The following ZMIZ1 variants were observed in gnomAD, a reference collection of about 807,000 sequenced individuals.
The protein encoded by ZMIZ1 is zinc finger MIZ-type containing 1, also known as zinc finger MIZ domain-containing protein 1.
ZMIZ1 carries 17 observed loss-of-function variants against 113.9 expected under a neutral mutation model. The ratio of observed to expected loss-of-function variants is 0.15; its 90% CI spans 0.10 to 0.22. ZMIZ1 has a LOEUF of 0.22. Among genes scored for constraint, ZMIZ1 ranks in the 10% least tolerant of loss-of-function variants. The probability of loss-of-function intolerance (pLI) is 1.00; values close to 1 mark genes in which losing one functional copy is unlikely to be tolerated. For missense variants in ZMIZ1, 1,059 were observed against 1,477.8 expected (o/e 0.72, Z 4.65); for synonymous variants, 607 against 603.1 (o/e 1.01, Z -0.09).
intron 1 of ZMIZ1, among the ~76,000 whole-genome samples, chr10:79,101,665 C>G (rs1843368011): frequency 6.6e-6 from 1 of 152,178 alleles, no homozygotes; most frequent in African/African-American, 2.4e-5. Context: ...GCAACTGGCA[C>G]CTGCCTCCAT....
At chr10:79,310,805 G>A in intron 23 of ZMIZ1, 119 bp from the exon 24 acceptor site, 1 of 1,146,844 alleles carries the variant, frequency 8.7e-7, no homozygotes, top group South Asian at 1.5e-5. Flanking sequence ...CTCGTACCGG[G>A]TGGCCACGTT....
At chr10:79,211,152 G>T (rs1280273229) in intron 6 of ZMIZ1, among the ~76,000 whole-genome samples, 2 of 152,152 alleles carry the variant, frequency 1.3e-5, no homozygotes, top group Non-Finnish European at 2.9e-5. Flanking sequence ...AGTGCTCAGG[G>T]TATTTTCCCT....
At chr10:79,220,738 T>C (rs1244582018) in intron 7 of ZMIZ1, among the ~76,000 whole-genome samples, 1 of 152,184 alleles carries the variant, frequency 6.6e-6, no homozygotes, top group Non-Finnish European at 1.5e-5. Flanking sequence ...TCTCAGACTT[T>C]CTCCCACTGT....
Position 79,289,810 on chromosome 10 carries a change from A to C in ZMIZ1, c.461A>C (p.Gln154Pro). Reference sequence around the variant, plus strand: ...TTCCCCTATGACTCTGTCCCTTGGCAGCAGAACACCAACCAGCCTCCCGGC... The same window carrying C: ...TTCCCCTATGACTCTGTCCCTTGGCCGCAGAACACCAACCAGCCTCCCGGC... ...GSFPYDSVPW[Q>P]QNTNQPPGSL... Residue 154 changes from glutamine to proline, a missense_variant, in exon 9 of 25, where the codon CAG (glutamine) becomes CCG (proline). By Grantham distance (76) the Gln-to-Pro change is moderately conservative. This residue lies in a region of ZMIZ1 where 272 missense variants were observed against 350.4 expected (regional missense o/e 0.78). Coordinates refer to ENST00000334512, the MANE Select transcript of ZMIZ1 (RefSeq NM_020338.4). The C allele has an allele frequency of 6.2e-7, 1 of 1,614,026 alleles. No individual in the cohort carries two copies. Among genetic ancestry groups the C allele is most frequent in the South Asian group, 1.1e-5 (1 of 91,088 alleles).
At position 79,088,514 on chromosome 10, in the gene ZMIZ1, C is replaced by G. The variant is rs569147567; in HGVS notation, c.-337+19244C>G. Reference sequence around the variant, plus strand: ...GGTTCTTTCGGTTAAAGGTGCAGGACAGCATTTTGTCGAGCCGGGAGTTGC... The same window carrying G: ...GGTTCTTTCGGTTAAAGGTGCAGGAGAGCATTTTGTCGAGCCGGGAGTTGC... On this transcript the variant is annotated intron_variant, in intron 1 of 24. Coordinates refer to ENST00000334512, the MANE Select transcript of ZMIZ1 (RefSeq NM_020338.4). Among the ~76,000 whole-genome samples the G allele has an allele frequency of 1.2e-4, 18 of 152,320 alleles. No homozygotes were observed. The South Asian group carries it at 2.9e-3, about 25-fold the overall frequency.
intron 19 of ZMIZ1, among the ~76,000 whole-genome samples, 185 bp from the exon 20 acceptor site, chr10:79,304,979 G>A (rs1854580691): frequency 6.6e-6 from 1 of 152,152 alleles, no homozygotes; most frequent in Admixed American, 6.5e-5. Flanking sequence ...ATGCTGGGGT[G>A]GAGGCATAAG....
At chr10:79,095,539 C>T (rs1045399812) in intron 1 of ZMIZ1, among the ~76,000 whole-genome samples, 5 of 152,202 alleles carry the variant, frequency 3.3e-5, no homozygotes, top group South Asian at 2.1e-4. Flanking sequence ...CAGGTCTCTC[C>T]GGTTAGGTAA....
At chr10:79,217,895 A>T (rs753383740) in intron 7 of ZMIZ1, among the ~76,000 whole-genome samples, 10 of 152,262 alleles carry the variant, frequency 6.6e-5, no homozygotes, top group Non-Finnish European at 4.4e-5. Context: ...TGGAGTGTGC[A>T]GTTTTAATAA....
chr10:79,132,575 G>C (rs78381416), intron 2 of ZMIZ1, among the ~76,000 whole-genome samples: 4,194 of 152,336 alleles, frequency 0.028, 176 homozygotes, highest in African/African-American at 0.092. Context: ...GAGACTGGGG[G>C]CCAAATTTGC....
intron 1 of ZMIZ1, among the ~76,000 whole-genome samples, chr10:79,104,230 C>T (rs1024717009): frequency 1.6e-4 from 24 of 152,138 alleles, no homozygotes; most frequent in Non-Finnish European, 2.2e-4. Flanking sequence ...CTTTCGATGA[C>T]GGAGATTTGG....
In ZMIZ1 at chr10:79,312,981, T is replaced by C; in HGVS notation, c.*232T>C. 1 of 555,648 alleles carries C rather than the reference T, an allele frequency of 1.8e-6. No individual in the cohort carries two copies. 34.4% of individuals were successfully genotyped at this position (555,648 alleles called of 1,614,324 possible). Reference sequence around the variant, plus strand: ...GAGCCCACGTCCCACCTCCACACCCTTGGCTTGGGCCCATGCCCAGCGCAG... The same window carrying C: ...GAGCCCACGTCCCACCTCCACACCCCTGGCTTGGGCCCATGCCCAGCGCAG... On this transcript the variant is annotated 3_prime_UTR_variant, in exon 25 of 25. Transcript: ENST00000334512.
chr10:79,195,491 G>C (rs3889807), intron 4 of ZMIZ1, among the ~76,000 whole-genome samples: 2 of 152,032 alleles, frequency 1.3e-5, no homozygotes, highest in African/African-American at 4.8e-5. Flanking sequence ...GCGGGAGCCC[G>C]GCCTCTCCGG....
rs1444872104 is a variant in ZMIZ1, at chr10:79,289,827, C to T, written c.478C>T (p.Pro160Ser). ...SVPWQQNTNQ[P>S]PGSLSVVTTV... ...CCCTTGGCAGCAGAACACCAACCAG[C>T]CTCCCGGCTCCCTTTCCGTGGTCAC... Residue 160 changes from proline to serine, a missense_variant, in exon 9 of 25, where the codon CCT becomes TCT. By Grantham distance (74) the Pro-to-Ser change is moderately conservative. Transcript: ENST00000334512. 6.2e-7 allele frequency: 1 copy of T among 1,613,998 alleles called. No individual in the cohort carries two copies. Among genetic ancestry groups the T allele is most frequent in the Non-Finnish European group, 8.5e-7 (1 of 1,179,956 alleles).
chr10:79,163,664 C>A (rs563879638), intron 4 of ZMIZ1, among the ~76,000 whole-genome samples: 1 of 152,364 alleles, frequency 6.6e-6, no homozygotes, highest in South Asian at 2.1e-4. Context: ...TCAGGATTAA[C>A]CAGTGCATAA....
chr10:79,249,434 C>T (rs979892922), intron 7 of ZMIZ1, among the ~76,000 whole-genome samples: 2 of 152,198 alleles, frequency 1.3e-5, no homozygotes, highest in Non-Finnish European at 2.9e-5. Context: ...GAGGACATGG[C>T]GGCCCTGGTC....
chr10:79,260,149 C>T (rs1162605500), intron 7 of ZMIZ1, among the ~76,000 whole-genome samples: 1 of 152,240 alleles, frequency 6.6e-6, no homozygotes. Context: ...CTCTGCCAGG[C>T]TTTGTGTACC....
intron 1 of ZMIZ1, among the ~76,000 whole-genome samples, chr10:79,096,387 C>T (rs765973282): frequency 2.6e-5 from 4 of 152,114 alleles, no homozygotes; most frequent in Non-Finnish European, 4.4e-5. Flanking sequence ...TGGTGGGCAC[C>T]TGTGGTCCCA....
At chr10:79,114,291 A>G (rs757531995) in intron 1 of ZMIZ1, among the ~76,000 whole-genome samples, 17 of 152,214 alleles carry the variant, frequency 1.1e-4, no homozygotes, top group Non-Finnish European at 1.9e-4. Context: ...CGCTCTCTGT[A>G]TGTTTTTAAG....
intron 4 of ZMIZ1, among the ~76,000 whole-genome samples, chr10:79,173,983 T>C (rs1309569825): frequency 6.6e-6 from 1 of 152,144 alleles, no homozygotes; most frequent in Non-Finnish European, 1.5e-5. Context: ...CATGTCAGAA[T>C]TTGTTTCCGA....
Sources: gnomAD v4.1 joint callset for allele counts (sites outside exome capture counted in the v4.1 genomes callset) on GRCh38, gnomAD v4.1.1 for gene constraint, gnomAD v4.1.1 regional missense constraint, MANE v1.5 for transcripts, NCBI Gene and HGNC (gene_info 2026-07-23, HGNC 2026-07-21) for gene names.